DLC1: variants seen among roughly 807,000 people sequenced by gnomAD.
DLC1 encodes rho GTPase-activating protein 7.
A neutral mutation model predicts 140.3 loss-of-function variants in DLC1; 54 were observed. The observed-to-expected ratio is 0.38, with a 90% CI of 0.31 to 0.48. The LOEUF (loss-of-function observed/expected upper bound fraction) is 0.48, where lower values mean the gene tolerates loss of function less well. DLC1 is among the 20% of genes least tolerant of loss of function. The probability of loss-of-function intolerance (pLI) is 0.96; values close to 1 mark genes in which losing one functional copy is unlikely to be tolerated. For synonymous variants in DLC1, 986 were observed against 728.1 expected (o/e 1.35, Z -5.70); for missense variants, 2,536 against 1,907.0 (o/e 1.33, Z -6.14).
chr8:13,100,319 C>T lies in DLC1; in HGVS notation c.2018G>A (p.Ser673Asn), dbSNP rs765861510. Residue 673 changes from serine to asparagine, a missense_variant, in exon 9 of 18, where the codon AGC becomes AAC. Transcript: ENST00000276297. ...GTGATGGGAGCTCTTGAGCTTCAGG[C>T]TCTCCATCCGTTTCAGCAGACTGCG... ...KTRSLLKRME[S>N]LKLKSSHHSK... 6.2e-7 allele frequency: 1 copy of T among 1,614,182 alleles called. No individual in the cohort carries two copies. The highest frequency in any genetic ancestry group is 8.5e-7 in the Non-Finnish European group (1 of 1,180,046).
rs766256997 is a variant in DLC1, at chr8:13,401,595, C to T, written c.1048G>A (p.Ala350Thr). Residue 350 changes from alanine to threonine, a missense_variant, in exon 3 of 18, where the codon GCG (alanine) becomes ACG (threonine). Coordinates refer to ENST00000276297, the MANE Select transcript of DLC1 (RefSeq NM_182643.3). Reference sequence around the variant, plus strand: ...AGCAGCACCATGGAGTCCAGCCGCGCCCTATCTCGATCTTCTCTTATTTCC... The same window carrying T: ...AGCAGCACCATGGAGTCCAGCCGCGTCCTATCTCGATCTTCTCTTATTTCC... ...RKEIREDRDR[A>T]RLDSMVLLIM... 1 of 1,613,626 alleles carries T rather than the reference C, an allele frequency of 6.2e-7. No homozygotes were observed. The highest frequency in any genetic ancestry group is 1.1e-5 in the South Asian group (1 of 91,042).
At chr8:13,288,902 A>T (rs575629920) in intron 5 of DLC1, among the ~76,000 whole-genome samples, 6 of 152,344 alleles carry the variant, frequency 3.9e-5, no homozygotes, top group African/African-American at 9.6e-5. Flanking sequence ...TTGTGGACTT[A>T]ACCAAAGTTT....
intron 5 of DLC1, chr8:13,276,568 G>A (rs1010221270): frequency 2.4e-6 from 3 of 1,268,598 alleles, no homozygotes; most frequent in Non-Finnish European, 3.0e-6. Flanking sequence ...CCTGGCCCGC[G>A]GCCAAGCGCG....
chr8:13,233,443 A>C (rs1829143550), intron 5 of DLC1, among the ~76,000 whole-genome samples: 1 of 152,016 alleles, frequency 6.6e-6, no homozygotes, highest in African/African-American at 2.4e-5. Flanking sequence ...TTTATATGGA[A>C]GAGATTTCAA....
intron 5 of DLC1, among the ~76,000 whole-genome samples, chr8:13,186,205 G>C (rs890432012): frequency 2.6e-5 from 4 of 152,158 alleles, no homozygotes; most frequent in African/African-American, 9.7e-5. Flanking sequence ...GCCTTGCTAG[G>C]TTGGGGAAGT....
At chr8:13,375,588 T>C (rs1729182) in intron 4 of DLC1, among the ~76,000 whole-genome samples, 9 of 151,958 alleles carry the variant, frequency 5.9e-5, no homozygotes, top group African/African-American at 1.9e-4. Context: ...TCTTGTGCCA[T>C]TTTTCAAAGG....
chr8:13,110,938 T>G (rs1235689945), intron 6 of DLC1, 115 bp from the exon 7 acceptor site: 27 of 852,540 alleles, frequency 3.2e-5, no homozygotes, highest in Non-Finnish European at 5.2e-5. Flanking sequence ...GCACCTACTG[T>G]AGGACACCTC....
intron 2 of DLC1, among the ~76,000 whole-genome samples, chr8:13,429,725 G>T (rs1838771607): frequency 6.6e-6 from 1 of 152,160 alleles, no homozygotes; most frequent in Admixed American, 6.5e-5. Flanking sequence ...TATTTGGATA[G>T]AATCTCTAGA....
In DLC1 at chr8:13,083,677, C is replaced by T. The variant is rs566614138; in HGVS notation, c.*2134G>A. ...TTGCACGTTGTCGTCATCCTCTCAG[C>T]GTCGTTTCCTAACTGGACCTTTGTT... On this transcript the variant is annotated 3_prime_UTR_variant, in exon 18 of 18. Coordinates refer to ENST00000276297, the MANE Select transcript of DLC1 (RefSeq NM_182643.3). The T allele has an allele frequency of 5.9e-5, 9 of 152,792 alleles. No homozygotes were observed. Among genetic ancestry groups the T allele is most frequent in the Admixed American group, 1.3e-4 (2 of 15,300 alleles). 9.5% of individuals were successfully genotyped at this position (152,792 alleles called of 1,614,324 possible). A position where few individuals can be genotyped will look rare whatever the true frequency, so the allele number is the denominator to read the frequency against.
At position 13,186,974 on chromosome 8, in the gene DLC1, C is replaced by G. The variant is rs181404241; in HGVS notation, c.1349-71317G>C. On this transcript the variant is annotated intron_variant, in intron 5 of 17. Coordinates refer to ENST00000276297, the MANE Select transcript of DLC1 (RefSeq NM_182643.3). ...CTAGACCCTGTTTGCCTGGGTATCA[C>G]CAGCGGAGGCTACAGAAGAGCAAAT... is the stretch of plus-strand genomic sequence containing the variant. 2.0e-5 allele frequency among the ~76,000 whole-genome samples: 3 copies of G among 152,290 alleles called. No individual in the cohort carries two copies. The East Asian group carries it at 5.8e-4, about 29-fold the overall frequency.
intron 5 of DLC1, among the ~76,000 whole-genome samples, chr8:13,298,583 A>T (rs1443101561): frequency 1.3e-5 from 2 of 152,248 alleles, no homozygotes; most frequent in Non-Finnish European, 2.9e-5. Context: ...TAGAGAAGAC[A>T]CACAGCTAAG....
intron 1 of DLC1, among the ~76,000 whole-genome samples, chr8:13,533,421 T>A (rs954700178): frequency 1.3e-5 from 2 of 152,166 alleles, no homozygotes; most frequent in Admixed American, 6.5e-5. Context: ...AATAACTTAT[T>A]TGGACCCCAG....
intron 5 of DLC1, among the ~76,000 whole-genome samples, chr8:13,198,000 A>G (rs78506871): frequency 0.06 from 9,088 of 152,108 alleles, 308 homozygotes; most frequent in African/African-American, 0.072. Flanking sequence ...TAATCCCAGC[A>G]CTTTGGAAGG....
At chr8:13,150,887 A>C (rs1406369332) in intron 5 of DLC1, among the ~76,000 whole-genome samples, 3 of 152,232 alleles carry the variant, frequency 2.0e-5, no homozygotes, top group Non-Finnish European at 4.4e-5. Context: ...AAAATGCATG[A>C]GCCTTCATAA....
Position 13,579,361 on chromosome 8 carries a change from A to ATATTTT in DLC1, c.-126+25175_-126+25176insAAAATA, listed in dbSNP as rs1236395843. Among the ~76,000 whole-genome samples the ATATTTT allele has an allele frequency of 1.8e-3, 46 of 25,488 alleles. 8 individuals carry two copies. Among genetic ancestry groups the ATATTTT allele is most frequent in the African/African-American group, 4.4e-3 (20 of 4,572 alleles). 16.7% of individuals were successfully genotyped at this position (25,488 alleles called of 152,430 possible). On this transcript the variant is annotated intron_variant, in intron 1 of 1. Transcript: ENST00000631382. ...TATATATATATATATATATATATAT[A>ATATTTT]TTTTTATATAATACATATTTATATA...
intron 3 of DLC1, among the ~76,000 whole-genome samples, chr8:13,395,278 C>G (rs1303179031): frequency 6.6e-6 from 1 of 152,032 alleles, no homozygotes; most frequent in African/African-American, 2.4e-5. Flanking sequence ...CACACCACCA[C>G]ACCCAGCTAA....
At chr8:13,429,979 C>G (rs529828481) in intron 2 of DLC1, among the ~76,000 whole-genome samples, 18 of 152,228 alleles carry the variant, frequency 1.2e-4, no homozygotes, top group Non-Finnish European at 1.9e-4. Context: ...TGGTTCTTAA[C>G]CATGACTAAA....
chr8:13,355,920 T>TA lies in DLC1; in HGVS notation c.1314+37632dup, dbSNP rs200994373. 2.6e-3 allele frequency among the ~76,000 whole-genome samples: 387 copies of TA among 147,308 alleles called. 4 individuals are homozygous for TA. Among genetic ancestry groups the TA allele is most frequent in the South Asian group, 0.014 (66 of 4,622 alleles). ...TAACATGGTGAAACCCCGTCTCTAC[T>TA]AAAAAAAAAATTCAAAAAAATTAGC... On this transcript the variant is annotated intron_variant, in intron 4 of 17. Coordinates refer to ENST00000276297, the MANE Select transcript of DLC1 (RefSeq NM_182643.3).
chr8:13,347,091 A>T (rs1224549932), intron 4 of DLC1, among the ~76,000 whole-genome samples: 3 of 152,206 alleles, frequency 2.0e-5, no homozygotes, highest in Non-Finnish European at 2.9e-5. Context: ...GTATAGGAGG[A>T]AACATAGTAT....
Sources: allele counts gnomAD v4.1 joint callset (sites outside exome capture counted in the v4.1 genomes callset), GRCh38; gene constraint gnomAD v4.1.1; transcripts MANE v1.5; gene names NCBI Gene and HGNC (gene_info 2026-07-23, HGNC 2026-07-21).